DNAH14: variants seen among roughly 807,000 people sequenced by gnomAD.
The protein encoded by DNAH14 is axonemal beta dynein heavy chain 14.
DNAH14 carries 478 observed loss-of-function variants against 520.9 expected under a neutral mutation model. The ratio of observed to expected loss-of-function variants is 0.92; its 90% CI spans 0.85 to 0.99. The LOEUF (loss-of-function observed/expected upper bound fraction) is 0.99, where lower values mean the gene tolerates loss of function less well. Ranked by LOEUF, DNAH14 falls within the 50% of genes least tolerant of loss-of-function variation. The pLI is 0.00. For synonymous variants in DNAH14, 1,581 were observed against 1,757.2 expected (o/e 0.90, Z 2.51); for missense variants, 4,831 against 5,234.5 (o/e 0.92, Z 2.38).
chr1:224,993,512 C>A (rs75254122), intron 8 of DNAH14, among the ~76,000 whole-genome samples: 7,987 of 151,602 alleles, frequency 0.053, 321 homozygotes, highest in Non-Finnish European at 0.078. Flanking sequence ...TCTTAGGATC[C>A]TTTGTATTTC....
chr1:225,178,573 C>T lies in DNAH14; in HGVS notation c.5536-6718C>T, dbSNP rs543468844. 6.6e-5 allele frequency among the ~76,000 whole-genome samples: 10 copies of T among 152,226 alleles called. No homozygotes were observed. The South Asian group carries it at 1.7e-3, about 25-fold the overall frequency. On this transcript the variant is annotated intron_variant, in intron 36 of 85. Coordinates refer to ENST00000682510, the MANE Select transcript of DNAH14 (RefSeq NM_001367479.1). Reference sequence around the variant, plus strand: ...CAAACTATATCAGGCTATGTTTATCCGATGCCTGTACCCCCATTTATATCT... The same window carrying T: ...CAAACTATATCAGGCTATGTTTATCTGATGCCTGTACCCCCATTTATATCT...
chr1:225,066,648 C>A (rs1180934323), intron 17 of DNAH14, among the ~76,000 whole-genome samples: 1 of 151,876 alleles, frequency 6.6e-6, no homozygotes, highest in African/African-American at 2.4e-5. Flanking sequence ...CTCACACCCC[C>A]CTCCCACCCT....
intron 35 of DNAH14, among the ~76,000 whole-genome samples, chr1:225,162,396 G>A (rs1402940842): frequency 6.6e-6 from 1 of 152,160 alleles, no homozygotes; most frequent in East Asian, 1.9e-4. Flanking sequence ...ATTGGTCTGT[G>A]TGTCTATTTC....
At chr1:225,131,761 A>C (rs73133591) in intron 27 of DNAH14, among the ~76,000 whole-genome samples, 5,198 of 152,214 alleles carry the variant, frequency 0.034, 283 homozygotes, top group African/African-American at 0.12. Context: ...GAGAGAGGGA[A>C]AACTAGGAAG....
intron 35 of DNAH14, among the ~76,000 whole-genome samples, chr1:225,164,333 T>A (rs906690257): frequency 1.4e-4 from 21 of 152,162 alleles, no homozygotes; most frequent in African/African-American, 4.6e-4. Context: ...AATTTTTTGA[T>A]GCTAGGTTTA....
chr1:225,237,994 T>C (rs2091714653), intron 42 of DNAH14, among the ~76,000 whole-genome samples: 1 of 152,238 alleles, frequency 6.6e-6, no homozygotes, highest in African/African-American at 2.4e-5. Context: ...CTAAACTGGC[T>C]ATTCTGGTTA....
chr1:225,271,812 A>G lies in DNAH14; in HGVS notation c.7672-94A>G, dbSNP rs570603536. ...CATTTAATGAAATTAATCCTCCATT[A>G]TAGTACACAAGTCCGCTTTTTAGTG... On this transcript the variant is annotated intron_variant, in intron 50 of 85. Coordinates refer to ENST00000682510, the MANE Select transcript of DNAH14 (RefSeq NM_001367479.1). 1.4e-5 allele frequency: 13 copies of G among 909,458 alleles called. No homozygotes were observed. The South Asian group carries it at 2.3e-4, about 16-fold the overall frequency. 56.3% of individuals were successfully genotyped at this position (909,458 alleles called of 1,614,324 possible). A position where few individuals can be genotyped will look rare whatever the true frequency, so the allele number is the denominator to read the frequency against.
chr1:225,239,757 T>C (rs1332986277), intron 42 of DNAH14, among the ~76,000 whole-genome samples: 1 of 152,244 alleles, frequency 6.6e-6, no homozygotes, highest in Non-Finnish European at 1.5e-5. Flanking sequence ...AAATATTTGC[T>C]AAGTGAACTA....
chr1:224,970,474 A>G (rs1447878396), intron 7 of DNAH14, among the ~76,000 whole-genome samples: 2 of 151,924 alleles, frequency 1.3e-5, no homozygotes, highest in Admixed American at 6.6e-5. Context: ...TGTGACCCAC[A>G]CCCTATTCGT....
At chr1:225,389,327 C>T (rs1452840846) in intron 82 of DNAH14, among the ~76,000 whole-genome samples, 1 of 152,220 alleles carries the variant, frequency 6.6e-6, no homozygotes, top group Non-Finnish European at 1.5e-5. Context: ...GAGATTCAAA[C>T]CCAGAACTGG....
At chr1:225,082,791 A>G (rs1379433128) in intron 20 of DNAH14, 52 bp downstream of exon 20, 3 of 1,425,724 alleles carry the variant, frequency 2.1e-6, no homozygotes, top group South Asian at 2.7e-5. Flanking sequence ...AGATGGGCCA[A>G]TTTTAAATAG....
At chr1:225,242,971 T>C (rs2149651660) in intron 43 of DNAH14, among the ~76,000 whole-genome samples, 1 of 152,328 alleles carries the variant, frequency 6.6e-6, no homozygotes, top group East Asian at 1.9e-4. Context: ...GTGTGGCACA[T>C]TACTGTATTT....
At chr1:225,370,150 T>C (rs905502369) in intron 77 of DNAH14, among the ~76,000 whole-genome samples, 8 of 152,208 alleles carry the variant, frequency 5.3e-5, no homozygotes, top group East Asian at 3.9e-4. Context: ...TAGCCTGGCG[T>C]GGTGGCACAT....
intron 48 of DNAH14, 129 bp downstream of exon 48, chr1:225,265,498 T>G: frequency 2.9e-6 from 2 of 701,628 alleles, no homozygotes; most frequent in Non-Finnish European, 4.4e-6. Context: ...GAAGATGCAA[T>G]GTATAACAGA....
intron 36 of DNAH14, among the ~76,000 whole-genome samples, chr1:225,181,997 G>A (rs891773316): frequency 2.6e-5 from 4 of 152,082 alleles, no homozygotes; most frequent in Non-Finnish European, 4.4e-5. Context: ...GACCAGCATG[G>A]CCAACATGGT....
chr1:224,934,973 T>A (rs2058935007), intron 1 of DNAH14, among the ~76,000 whole-genome samples: 1 of 151,684 alleles, frequency 6.6e-6, no homozygotes, highest in South Asian at 2.1e-4. Context: ...CTGAAGGAAT[T>A]CAGGATCACA....
chr1:225,172,827 C>G (rs1350657368), intron 36 of DNAH14, among the ~76,000 whole-genome samples: 1 of 152,148 alleles, frequency 6.6e-6, no homozygotes, highest in Non-Finnish European at 1.5e-5. Context: ...AAGAACAAAG[C>G]TGGAGGCATC....
chr1:225,050,395 C>A lies in DNAH14; in HGVS notation c.2079+19C>A. On this transcript the variant is annotated intron_variant, in intron 16 of 85. Coordinates refer to ENST00000682510, the MANE Select transcript of DNAH14 (RefSeq NM_001367479.1). ...AAATATAGTAAGTTTTAAAACAGTTCATTTTAGGAAATGTTTAAGGAGCAG... is the reference window on the plus strand; with the variant it reads ...AAATATAGTAAGTTTTAAAACAGTTAATTTTAGGAAATGTTTAAGGAGCAG... 4 of 1,515,506 alleles carry A rather than the reference C, an allele frequency of 2.6e-6. No homozygotes were observed. Among genetic ancestry groups the A allele is most frequent in the East Asian group, 2.5e-5 (1 of 39,908 alleles). The allele number at this position is 1,515,506 out of a possible 1,614,324, so 93.9% of individuals were successfully genotyped here. A position where few individuals can be genotyped will look rare whatever the true frequency, so the allele number is the denominator to read the frequency against.
intron 17 of DNAH14, among the ~76,000 whole-genome samples, chr1:225,072,247 C>T (rs1305540618): frequency 6.6e-6 from 1 of 152,066 alleles, no homozygotes; most frequent in African/African-American, 2.4e-5. Context: ...TTCTTTAATT[C>T]TCTTTATTCT....
Sources: gnomAD v4.1 joint callset for allele counts (sites outside exome capture counted in the v4.1 genomes callset) on GRCh38, gnomAD v4.1.1 for gene constraint, MANE v1.5 for transcripts, NCBI Gene and HGNC (gene_info 2026-07-23, HGNC 2026-07-21) for gene names.